CREBBP: variants seen among roughly 807,000 people sequenced by gnomAD.
CREBBP encodes the protein CREB-binding protein.
CREBBP carries 19 observed loss-of-function variants against 265.0 expected under a neutral mutation model. The ratio of observed to expected loss-of-function variants is 0.07; its 90% CI spans 0.05 to 0.11. The LOEUF is 0.11. Among genes scored for constraint, CREBBP ranks in the 10% least tolerant of loss-of-function variants. CREBBP has a pLI of 1.00. For synonymous variants in CREBBP, 1,457 were observed against 1,223.7 expected (o/e 1.19, Z -3.98); for missense variants, 2,525 against 3,219.0 (o/e 0.78, Z 5.22).
intron 20 of CREBBP, 139 bp from the exon 21 acceptor site, chr16:3,749,822 T>C: frequency 1.6e-6 from 1 of 623,624 alleles, no homozygotes; most frequent in East Asian, 2.8e-5. Context: ...CTCAAGTACA[T>C]GTAATAACGG....
chr16:3,758,094 C>G (rs1474053865), intron 17 of CREBBP, 46 bp from the exon 18 acceptor site: 3 of 1,604,578 alleles, frequency 1.9e-6, no homozygotes, highest in East Asian at 2.2e-5. Context: ...CCCCCAATAT[C>G]CAAATGCCAG....
intron 21 of CREBBP, among the ~76,000 whole-genome samples, chr16:3,748,002 A>G (rs2151361985): frequency 6.6e-6 from 1 of 152,370 alleles, no homozygotes; most frequent in South Asian, 2.1e-4. Flanking sequence ...AGGCAGGAGA[A>G]TCGCTTGAAC....
intron 16 of CREBBP, 127 bp from the exon 17 acceptor site, chr16:3,759,099 C>A: frequency 1.3e-6 from 1 of 765,924 alleles, no homozygotes; most frequent in South Asian, 1.4e-5. Context: ...ACTCGAGGGG[C>A]TCTCGTCCAT....
At chr16:3,855,578 T>C (rs1459097134) in intron 1 of CREBBP, among the ~76,000 whole-genome samples, 1 of 152,216 alleles carries the variant, frequency 6.6e-6, no homozygotes, top group Non-Finnish European at 1.5e-5. Context: ...ACTGACATTT[T>C]TGAAGAATAG....
At chr16:3,771,610 C>G (rs902550768) in intron 13 of CREBBP, among the ~76,000 whole-genome samples, 1 of 151,906 alleles carries the variant, frequency 6.6e-6, no homozygotes, top group Admixed American at 6.6e-5. Context: ...CCTGAAACTG[C>G]GGATAGTACT....
At chr16:3,752,288 A>G (rs1328368190) in intron 19 of CREBBP, among the ~76,000 whole-genome samples, 2 of 152,256 alleles carry the variant, frequency 1.3e-5, no homozygotes, top group African/African-American at 4.8e-5. Context: ...TGAACAAAAC[A>G]GTCTGACAAA....
At chr16:3,778,568 G>T in intron 9 of CREBBP, 132 bp downstream of exon 9, 1 of 813,154 alleles carries the variant, frequency 1.2e-6, no homozygotes, top group Non-Finnish European at 2.2e-6. Context: ...AGTCTCCTTG[G>T]TCAGTGGCCT....
At chr16:3,800,896 A>C (rs1238653141) in intron 3 of CREBBP, among the ~76,000 whole-genome samples, 1 of 152,242 alleles carries the variant, frequency 6.6e-6, no homozygotes, top group Non-Finnish European at 1.5e-5. Flanking sequence ...TGTAAGGGCC[A>C]TTTATGAACT....
At chr16:3,849,462 T>TG (rs2054774937) in intron 2 of CREBBP, among the ~76,000 whole-genome samples, 1 of 133,106 alleles carries the variant, frequency 7.5e-6, no homozygotes, top group Non-Finnish European at 1.6e-5. Context: ...TGTGTGTGTG[T>TG]GTGTGTGTGT....
intron 1 of CREBBP, among the ~76,000 whole-genome samples, chr16:3,858,197 A>G (rs1457948726): frequency 6.6e-6 from 1 of 152,244 alleles, no homozygotes; most frequent in Non-Finnish European, 1.5e-5. Flanking sequence ...AACTACTAGA[A>G]TCAAACACCA....
rs1025993928 is a variant in CREBBP at position 3,787,025 on chromosome 16, C to T, written c.1331-4099G>A. Among the ~76,000 whole-genome samples the T allele has an allele frequency of 3.3e-5, 5 of 150,874 alleles. No homozygotes were observed. The East Asian group carries it at 7.8e-4, about 23-fold the overall frequency. On this transcript the variant is annotated intron_variant, in intron 5 of 30. Coordinates refer to ENST00000262367, the MANE Select transcript of CREBBP (RefSeq NM_004380.3). ...GACGGAGGTTGCGGTGAACTAAGAT[C>T]GCGCCACTGCACTCTAGCCTGGGCG...
At chr16:3,804,502 G>C (rs1300271888) in intron 3 of CREBBP, among the ~76,000 whole-genome samples, 2 of 152,192 alleles carry the variant, frequency 1.3e-5, no homozygotes, top group Non-Finnish European at 2.9e-5. Context: ...GCTGTGCAGA[G>C]ACTGATGTAG....
At chr16:3,779,921 TG>T (rs1375779128) in intron 8 of CREBBP, among the ~76,000 whole-genome samples, 1 of 151,934 alleles carries the variant, frequency 6.6e-6, no homozygotes, top group Non-Finnish European at 1.5e-5. Flanking sequence ...TTGGGTAACC[TG>T]GCAAGACTCC....
At chr16:3,838,174 A>T (rs2054494234) in intron 2 of CREBBP, among the ~76,000 whole-genome samples, 1 of 152,216 alleles carries the variant, frequency 6.6e-6, no homozygotes, top group Non-Finnish European at 1.5e-5. Context: ...ATTTTCTACT[A>T]TACCATTTCT....
At chr16:3,813,815 C>CA (rs1034361391) in intron 2 of CREBBP, among the ~76,000 whole-genome samples, 11 of 152,218 alleles carry the variant, frequency 7.2e-5, no homozygotes, top group African/African-American at 2.6e-4. Context: ...AACAAACAAA[C>CA]AAAAAATCAA....
intron 8 of CREBBP, among the ~76,000 whole-genome samples, chr16:3,779,933 G>A (rs191565406): frequency 5.9e-4 from 89 of 151,842 alleles, no homozygotes; most frequent in African/African-American, 2.0e-3. Flanking sequence ...GCAAGACTCC[G>A]TCTCTCTCTC....
intron 2 of CREBBP, among the ~76,000 whole-genome samples, chr16:3,824,717 C>A (rs2054205848): frequency 6.6e-6 from 1 of 152,210 alleles, no homozygotes; most frequent in South Asian, 2.1e-4. Flanking sequence ...CATACCCGGT[C>A]AACTTGGAGA....
rs988306379 is a variant in CREBBP, at chr16:3,862,551, T to A, written c.86-11542A>T. Among the ~76,000 whole-genome samples, 3 of 152,230 alleles carry A rather than the reference T, an allele frequency of 2.0e-5. No individual in the cohort carries two copies. The East Asian group carries it at 5.8e-4, about 29-fold the overall frequency. On this transcript the variant is annotated intron_variant, in intron 1 of 30. Coordinates refer to ENST00000262367, the MANE Select transcript of CREBBP (RefSeq NM_004380.3). ...TAGAATTTGGGTTTTCTTGTTTTCC[T>A]GTCATATGCTGTGTTTTGTATGATG... is the stretch of plus-strand genomic sequence containing the variant.
intron 1 of CREBBP, among the ~76,000 whole-genome samples, chr16:3,876,413 A>C (rs890122365): frequency 2.7e-4 from 41 of 149,744 alleles, no homozygotes; most frequent in Non-Finnish European, 8.9e-5. Context: ...AAAAAAAAAA[A>C]AAAAAAAAAA....
Sources: allele counts gnomAD v4.1 joint callset (sites outside exome capture counted in the v4.1 genomes callset), GRCh38; gene constraint gnomAD v4.1.1; transcripts MANE v1.5; gene names NCBI Gene and HGNC (gene_info 2026-07-23, HGNC 2026-07-21).